Variants in TENM4 observed in about 807,000 individuals in gnomAD.
The protein encoded by TENM4 is teneurin-4.
Under a neutral mutation model 243.3 loss-of-function variants are expected in TENM4, and 82 were observed. The observed-to-expected ratio is 0.34, with a 90% CI of 0.28 to 0.40. TENM4 has a LOEUF of 0.40. Among genes scored for constraint, TENM4 ranks in the 10% least tolerant of loss-of-function variants. TENM4 has a pLI of 1.00. For missense variants in TENM4, 3,138 were observed against 3,673.3 expected, an observed-to-expected ratio of 0.85 and a Z score of 3.77; for synonymous variants, 1,412 against 1,456.3, an observed-to-expected ratio of 0.97 and a Z score of 0.69.
Position 79,159,611 on chromosome 11 carries a change from G to A in TENM4, c.-162-10805C>T, listed in dbSNP as rs141984950. 2.5e-4 allele frequency among the ~76,000 whole-genome samples: 38 copies of A among 151,972 alleles called. 1 individual carries two copies. Among genetic ancestry groups the A allele is most frequent in the East Asian group, 1.2e-3 (6 of 5,174 alleles). ...TTACATGACTCTTCCAGCTTTGCCCGCCCTCCTGGCCTCCTAATGTGTGGC... is the reference window on the plus strand; with the variant it reads ...TTACATGACTCTTCCAGCTTTGCCCACCCTCCTGGCCTCCTAATGTGTGGC... On this transcript the variant is annotated intron_variant, in intron 3 of 33. Coordinates refer to ENST00000278550, the MANE Select transcript of TENM4 (RefSeq NM_001098816.3).
intron 18 of TENM4, among the ~76,000 whole-genome samples, chr11:78,760,914 A>G (rs1284409899): frequency 6.6e-6 from 1 of 152,224 alleles, no homozygotes; most frequent in African/African-American, 2.4e-5. Context: ...TCTTCGGGTC[A>G]TAAATTATCT....
At chr11:78,975,547 T>A (rs1260496935) in intron 6 of TENM4, among the ~76,000 whole-genome samples, 1 of 151,822 alleles carries the variant, frequency 6.6e-6, no homozygotes, top group Non-Finnish European at 1.5e-5. Context: ...AAGAAAGTCC[T>A]TCCAAATAGC....
In TENM4 at chr11:79,440,212, C is replaced by T. The variant is rs905950450; in HGVS notation, c.-321+297G>A. The stretch of plus-strand genomic sequence containing the variant: ...AACCTGGGGCGCGCCGCCTCCCTCC[C>T]ACCCGCTTCCCACCTCCCTGCCCTC... On this transcript the variant is annotated intron_variant, in intron 1 of 33. Transcript: ENST00000278550. This position sits in a 1 kb window ranked among gnomAD's most constrained non-coding sequence, Gnocchi z 4.7. Among the ~76,000 whole-genome samples, 1 of 152,094 alleles carries T rather than the reference C, an allele frequency of 6.6e-6. No homozygotes were observed. The highest frequency in any genetic ancestry group is 2.4e-5 in the African/African-American group (1 of 41,434).
At chr11:78,848,068 A>C (rs1858443653) in intron 12 of TENM4, among the ~76,000 whole-genome samples, 1 of 147,720 alleles carries the variant, frequency 6.8e-6, no homozygotes, top group African/African-American at 2.6e-5. Context: ...AGAGGAATGG[A>C]TTGTAGGGAA....
At chr11:79,142,645 A>G (rs911134648) in intron 4 of TENM4, among the ~76,000 whole-genome samples, 30 of 152,264 alleles carry the variant, frequency 2.0e-4, no homozygotes, top group African/African-American at 7.0e-4. Context: ...TAAATTTTAG[A>G]TGGAGCCACA....
chr11:79,411,156 G>A (rs1858691997), intron 1 of TENM4, among the ~76,000 whole-genome samples: 1 of 152,136 alleles, frequency 6.6e-6, no homozygotes, highest in Admixed American at 6.5e-5. Flanking sequence ...GGGCTAGTAG[G>A]ACACACAGAC....
intron 6 of TENM4, among the ~76,000 whole-genome samples, chr11:78,994,384 C>G (rs1233635585): frequency 6.6e-6 from 1 of 152,162 alleles, no homozygotes; most frequent in African/African-American, 2.4e-5. Context: ...CCTTTTCTCT[C>G]TAGTACCCTA....
Position 79,149,559 on chromosome 11 carries a change from C to T in TENM4, c.-162-753G>A, listed in dbSNP as rs201068021. On this transcript the variant is annotated intron_variant, in intron 3 of 33. Coordinates refer to ENST00000278550, the MANE Select transcript of TENM4 (RefSeq NM_001098816.3). ...TATCTCAATATAGGTTTTTAAAAAACATCTCATCTTTCTGTTACTGAGTTC... is the reference window on the plus strand; with the variant it reads ...TATCTCAATATAGGTTTTTAAAAAATATCTCATCTTTCTGTTACTGAGTTC... Among the ~76,000 whole-genome samples the T allele has an allele frequency of 7.2e-3, 1,064 of 148,186 alleles. 11 individuals carry two copies. The highest frequency in any genetic ancestry group is 0.025 in the African/African-American group (1,007 of 39,650).
chr11:78,850,285 A>G (rs1858505575), intron 12 of TENM4, among the ~76,000 whole-genome samples: 1 of 152,200 alleles, frequency 6.6e-6, no homozygotes, highest in Non-Finnish European at 1.5e-5. Flanking sequence ...AAACACAATT[A>G]TTTCTCCTGT....
intron 6 of TENM4, among the ~76,000 whole-genome samples, chr11:79,041,156 C>T (rs530189403): frequency 3.3e-5 from 5 of 152,096 alleles, no homozygotes; most frequent in Admixed American, 2.0e-4. Flanking sequence ...CTCCGCCTCC[C>T]GGGTTCAAGT....
chr11:79,266,131 A>G (rs1855880515), intron 2 of TENM4, among the ~76,000 whole-genome samples: 1 of 152,202 alleles, frequency 6.6e-6, no homozygotes, highest in South Asian at 2.1e-4. Flanking sequence ...GGCCTACGTC[A>G]TAAGACTTAC....
intron 2 of TENM4, among the ~76,000 whole-genome samples, chr11:79,243,169 C>T (rs1018761420): frequency 6.6e-6 from 1 of 152,028 alleles, no homozygotes; most frequent in South Asian, 2.1e-4. Flanking sequence ...GTCCCCATCA[C>T]AAATTCATGA....
chr11:78,951,417 A>G (rs1857106489), intron 6 of TENM4, among the ~76,000 whole-genome samples: 1 of 152,274 alleles, frequency 6.6e-6, no homozygotes, highest in Non-Finnish European at 1.5e-5. Context: ...TTACACACAA[A>G]TAACAGACAT....
chr11:78,778,561 C>T (rs759266581), intron 17 of TENM4, 41 bp downstream of exon 17: 10 of 1,600,152 alleles, frequency 6.2e-6, no homozygotes, highest in Admixed American at 1.7e-5. Context: ...CACAAACACA[C>T]ACACAAAGAC....
intron 1 of TENM4, chr11:79,402,017 TA>T: frequency 2.5e-6 from 1 of 402,786 alleles, no homozygotes. Context: ...ATGACTAGGG[TA>T]AGGTCCCTGC....
chr11:78,887,425 C>T (rs1855571687), intron 9 of TENM4, among the ~76,000 whole-genome samples: 1 of 152,202 alleles, frequency 6.6e-6, no homozygotes, highest in African/African-American at 2.4e-5. Flanking sequence ...GATTTGCCTG[C>T]TAACATAGCT....
At chr11:78,713,056 G>A (rs1318997006) in intron 25 of TENM4, among the ~76,000 whole-genome samples, 2 of 152,212 alleles carry the variant, frequency 1.3e-5, no homozygotes, top group African/African-American at 4.8e-5. Flanking sequence ...GATGATCACT[G>A]AGGCCTACCA....
chr11:78,670,857 G>A (rs1056021923), intron 31 of TENM4, among the ~76,000 whole-genome samples: 1 of 152,186 alleles, frequency 6.6e-6, no homozygotes, highest in African/African-American at 2.4e-5. Flanking sequence ...CTGTCCTATG[G>A]TGAGCAGCCT....
At chr11:79,369,502 G>A (rs1488396417) in intron 1 of TENM4, among the ~76,000 whole-genome samples, 1 of 152,150 alleles carries the variant, frequency 6.6e-6, no homozygotes, top group Non-Finnish European at 1.5e-5. Context: ...AATAGAACAG[G>A]TGCTCAACTT....
Sources: allele counts gnomAD v4.1 joint callset (sites outside exome capture counted in the v4.1 genomes callset), GRCh38; gene constraint gnomAD v4.1.1; non-coding constraint Gnocchi (gnomAD v3.1); transcripts MANE v1.5; gene names NCBI Gene and HGNC (gene_info 2026-07-23, HGNC 2026-07-21).